NRXN1: variants seen among roughly 807,000 people sequenced by gnomAD.
The protein encoded by NRXN1 is neurexin-1.
Under a neutral mutation model 150.9 loss-of-function variants are expected in NRXN1, and 39 were observed. The observed-to-expected ratio is 0.26, with a 90% confidence interval of 0.20 to 0.34. The LOEUF (loss-of-function observed/expected upper bound fraction) is 0.34. Among genes scored for constraint, NRXN1 ranks in the 10% least tolerant of loss-of-function variants. The pLI is 1.00. For missense variants in NRXN1, 1,815 were observed against 1,949.9 expected (o/e 0.93, Z 1.30); for synonymous variants, 924 against 757.0 (o/e 1.22, Z -3.62).
At chr2:50,398,877 G>C (rs571677610) in intron 17 of NRXN1, among the ~76,000 whole-genome samples, 1 of 152,216 alleles carries the variant, frequency 6.6e-6, no homozygotes, top group South Asian at 2.1e-4. Flanking sequence ...GAGATACCCT[G>C]AGTTTCATCA....
At chr2:50,575,629 G>T (rs930017837) in intron 8 of NRXN1, among the ~76,000 whole-genome samples, 1 of 152,102 alleles carries the variant, frequency 6.6e-6, no homozygotes, top group African/African-American at 2.4e-5. Context: ...TCTAAAAATA[G>T]ATATTAGAGT....
At chr2:50,268,884 A>C (rs921304092) in intron 17 of NRXN1, among the ~76,000 whole-genome samples, 4 of 152,146 alleles carry the variant, frequency 2.6e-5, no homozygotes, top group African/African-American at 9.7e-5. Context: ...CTGAGTTGCA[A>C]ACGCAGTTGT....
chr2:50,074,191 A>G, intron 19 of NRXN1, among the ~76,000 whole-genome samples: 1 of 152,132 alleles, frequency 6.6e-6, no homozygotes, highest in Non-Finnish European at 1.5e-5. Flanking sequence ...TCATTTTTAA[A>G]ACATTTTATA....
chr2:50,360,044 G>A (rs2153009039), intron 17 of NRXN1, among the ~76,000 whole-genome samples: 1 of 152,308 alleles, frequency 6.6e-6, no homozygotes, highest in Non-Finnish European at 1.5e-5. Context: ...ATCCTTTACA[G>A]ACAAGCAAAT....
chr2:51,011,131 A>G (rs1024890914), intron 2 of NRXN1, among the ~76,000 whole-genome samples: 8 of 152,004 alleles, frequency 5.3e-5, no homozygotes, highest in African/African-American at 1.9e-4. Flanking sequence ...ACTTCATTTT[A>G]ATTCACGTCT....
At chr2:50,380,923 C>T (rs548345446) in intron 17 of NRXN1, among the ~76,000 whole-genome samples, 8 of 152,100 alleles carry the variant, frequency 5.3e-5, no homozygotes, top group Non-Finnish European at 1.0e-4. Context: ...CTAAAGAATA[C>T]AGCCAGAATC....
At chr2:50,606,946 G>A (rs547666542) in intron 8 of NRXN1, among the ~76,000 whole-genome samples, 12 of 151,956 alleles carry the variant, frequency 7.9e-5, no homozygotes, top group Non-Finnish European at 1.6e-4. Flanking sequence ...AGTTTATTAA[G>A]ACTGCAAATG....
chr2:50,834,244 CTG>C (rs1387793749), intron 5 of NRXN1, among the ~76,000 whole-genome samples: 1 of 151,430 alleles, frequency 6.6e-6, no homozygotes, highest in Non-Finnish European at 1.5e-5. Flanking sequence ...TTAAGATTCT[CTG>C]TAATCAACTG....
intron 17 of NRXN1, among the ~76,000 whole-genome samples, chr2:50,278,593 C>T (rs943945605): frequency 1.5e-4 from 23 of 151,746 alleles, no homozygotes; most frequent in Non-Finnish European, 8.8e-5. Context: ...TTTATATTTA[C>T]GATTTGTTTT....
chr2:50,216,469 G>A (rs923822505), intron 18 of NRXN1, among the ~76,000 whole-genome samples: 5 of 151,718 alleles, frequency 3.3e-5, no homozygotes, highest in South Asian at 2.1e-4. Context: ...TTTACCAATC[G>A]GATTTTGAAA....
intron 17 of NRXN1, among the ~76,000 whole-genome samples, chr2:50,407,367 T>C (rs2082821791): frequency 6.6e-6 from 1 of 152,180 alleles, no homozygotes; most frequent in African/African-American, 2.4e-5. Flanking sequence ...TAGGCAATGA[T>C]ACTATTATCC....
chr2:50,085,355 TTCAGATATTCCATATGGTTTA>T (rs1414992330), intron 19 of NRXN1, among the ~76,000 whole-genome samples: 1 of 152,186 alleles, frequency 6.6e-6, no homozygotes, highest in East Asian at 1.9e-4. Context: ...TAAACAATAA[TTCAGATATTCCATATGGTTTA>T]TCAGTTTCCA....
At chr2:50,786,129 A>G (rs985893382) in intron 5 of NRXN1, among the ~76,000 whole-genome samples, 1 of 152,108 alleles carries the variant, frequency 6.6e-6, no homozygotes, top group Non-Finnish European at 1.5e-5. Context: ...TTAACTATCC[A>G]AGATTTTATT....
intron 18 of NRXN1, among the ~76,000 whole-genome samples, chr2:50,169,893 A>T (rs78133117): frequency 0.019 from 2,845 of 152,042 alleles, 94 homozygotes; most frequent in African/African-American, 0.065. Context: ...ATAATATAAA[A>T]ATCAAGGAGA....
At chr2:50,451,034 A>T (rs1454126875) in intron 17 of NRXN1, among the ~76,000 whole-genome samples, 2 of 152,170 alleles carry the variant, frequency 1.3e-5, no homozygotes, top group African/African-American at 4.8e-5. Context: ...CAGTGGCATC[A>T]TCACTCACTG....
rs192804518 is a variant in NRXN1 at position 50,228,714 on chromosome 2, T to A, written c.3546+8075A>T. 5.3e-5 allele frequency among the ~76,000 whole-genome samples: 8 copies of A among 152,122 alleles called. No individual in the cohort carries two copies. The East Asian group carries it at 1.4e-3, about 26-fold the overall frequency. On this transcript the variant is annotated intron_variant, in intron 18 of 22. Transcript: ENST00000401669. ...ATTAAATTTGATCTTTCACCAAACTTTTTTGTCTGTCAATCACGAATTTCC... is the reference window on the plus strand; with the variant it reads ...ATTAAATTTGATCTTTCACCAAACTATTTTGTCTGTCAATCACGAATTTCC...
At chr2:50,029,916 G>A (rs758270816) in intron 21 of NRXN1, among the ~76,000 whole-genome samples, 72 of 152,084 alleles carry the variant, frequency 4.7e-4, no homozygotes, top group Admixed American at 4.1e-3. Context: ...ACATTTAAAG[G>A]AGAAAAATAA....
At chr2:50,484,905 T>C (rs1372585775) in intron 15 of NRXN1, among the ~76,000 whole-genome samples, 2 of 152,200 alleles carry the variant, frequency 1.3e-5, no homozygotes, top group East Asian at 3.9e-4. Context: ...TTTATGATAT[T>C]TCCCCCCAAG....
rs993531009 is a variant in NRXN1, at chr2:49,919,956, T to C, written c.*1988A>G. Reference sequence around the variant, plus strand: ...TTTTGCCTTTGCTGATTAAAGCTAATTGGAAAGATATTCTTCTCTTCTACA... The same window carrying C: ...TTTTGCCTTTGCTGATTAAAGCTAACTGGAAAGATATTCTTCTCTTCTACA... On this transcript the variant is annotated 3_prime_UTR_variant, in exon 23 of 23. Transcript: ENST00000401669. 3 of 152,164 alleles carry C rather than the reference T, an allele frequency of 2.0e-5. No individual in the cohort carries two copies. The highest frequency in any genetic ancestry group is 1.3e-4 in the Admixed American group (2 of 15,282). The allele number at this position is 152,164 out of a possible 1,614,324, so 9.4% of individuals were successfully genotyped here.
Sources: allele counts gnomAD v4.1 joint callset (sites outside exome capture counted in the v4.1 genomes callset), GRCh38; gene constraint gnomAD v4.1.1; transcripts MANE v1.5; gene names NCBI Gene and HGNC (gene_info 2026-07-23, HGNC 2026-07-21).